PLPPR1: variants seen among roughly 807,000 people sequenced by gnomAD.
The protein encoded by PLPPR1 is phospholipid phosphatase related 1.
Under a neutral mutation model 33.1 loss-of-function variants are expected in PLPPR1, and 10 were observed. The ratio of observed to expected loss-of-function variants is 0.30; its 90% CI spans 0.19 to 0.51. The LOEUF is 0.51. Ranked by LOEUF, PLPPR1 falls within the 20% of genes least tolerant of loss-of-function variation. The probability of loss-of-function intolerance (pLI) is 0.97; values close to 1 mark genes in which losing one functional copy is unlikely to be tolerated. For synonymous variants in PLPPR1, 151 were observed against 151.0 expected, an observed-to-expected ratio of 1.00 and a Z score of 0.00; for missense variants, 304 against 408.1, an observed-to-expected ratio of 0.74 and a Z score of 2.20.
Position 101,299,271 on chromosome 9 carries a change from C to T in PLPPR1, c.386-9940C>T, listed in dbSNP as rs76500534. Among the ~76,000 whole-genome samples the T allele has an allele frequency of 9.6e-3, 1,466 of 152,272 alleles. 17 individuals carry two copies. The highest frequency in any genetic ancestry group is 0.031 in the African/African-American group (1,302 of 41,540). ...AACCCCTGTTTCTGGACCACTTAAG[C>T]AGCCAAGGCACTAGATTAGAGACTA... is the stretch of plus-strand genomic sequence containing the variant. On this transcript the variant is annotated intron_variant, in intron 4 of 7. Coordinates refer to ENST00000374874, the MANE Select transcript of PLPPR1 (RefSeq NM_207299.2).
At chr9:101,065,873 A>G (rs1387948207) in intron 1 of PLPPR1, among the ~76,000 whole-genome samples, 1 of 152,110 alleles carries the variant, frequency 6.6e-6, no homozygotes, top group African/African-American at 2.4e-5. Context: ...TTGCAAGACT[A>G]TTACAGGGAA....
chr9:101,117,674 A>T (rs2118587918), intron 1 of PLPPR1, among the ~76,000 whole-genome samples: 1 of 149,818 alleles, frequency 6.7e-6, no homozygotes, highest in South Asian at 2.1e-4. Flanking sequence ...AAAAAAAAAA[A>T]GTACAGGCTC....
chr9:101,114,209 A>G (rs1831092484), intron 1 of PLPPR1, among the ~76,000 whole-genome samples: 1 of 152,232 alleles, frequency 6.6e-6, no homozygotes, highest in South Asian at 2.1e-4. Context: ...CACTGTTCTA[A>G]CTGCTTTAAT....
intron 1 of PLPPR1, among the ~76,000 whole-genome samples, chr9:101,043,443 G>A (rs529936383): frequency 6.7e-6 from 1 of 150,184 alleles, no homozygotes; most frequent in East Asian, 2.0e-4. Flanking sequence ...ATATGTATAT[G>A]CATACACATA....
chr9:101,250,840 G>A (rs956317594), intron 2 of PLPPR1, among the ~76,000 whole-genome samples: 1 of 152,058 alleles, frequency 6.6e-6, no homozygotes, highest in Non-Finnish European at 1.5e-5. Context: ...TGTGGCAAGA[G>A]ATAGCCATCC....
chr9:101,189,893 G>A (rs1588064990), intron 2 of PLPPR1, among the ~76,000 whole-genome samples: 1 of 147,450 alleles, frequency 6.8e-6, no homozygotes, highest in South Asian at 2.1e-4. Flanking sequence ...GAAAATATTG[G>A]CACTCTGATC....
intron 4 of PLPPR1, among the ~76,000 whole-genome samples, chr9:101,290,072 T>A (rs1459524429): frequency 6.6e-6 from 1 of 152,188 alleles, no homozygotes; most frequent in Non-Finnish European, 1.5e-5. Context: ...AAGGGTAACT[T>A]ACTCTGAGTA....
intron 1 of PLPPR1, among the ~76,000 whole-genome samples, chr9:101,154,637 G>A (rs1042164794): frequency 6.6e-5 from 10 of 151,932 alleles, no homozygotes; most frequent in Non-Finnish European, 1.3e-4. Context: ...ATTATGAATC[G>A]TGCTGCTATA....
chr9:101,113,868 G>C (rs1307966743), intron 1 of PLPPR1, among the ~76,000 whole-genome samples: 2 of 152,114 alleles, frequency 1.3e-5, no homozygotes, highest in African/African-American at 4.8e-5. Flanking sequence ...TTGTGCAGAA[G>C]TCTCTGCCCA....
At chr9:101,036,610 A>G (rs1830013328) in intron 1 of PLPPR1, among the ~76,000 whole-genome samples, 1 of 150,000 alleles carries the variant, frequency 6.7e-6, no homozygotes, top group Non-Finnish European at 1.5e-5. Context: ...GTCTTGGCTT[A>G]TGGCACTGCT....
At chr9:101,267,793 G>T (rs1828023799) in intron 2 of PLPPR1, among the ~76,000 whole-genome samples, 1 of 152,146 alleles carries the variant, frequency 6.6e-6, no homozygotes, top group African/African-American at 2.4e-5. Flanking sequence ...TTTGAATTAA[G>T]AATCTTCCCT....
At chr9:101,315,572 C>T (rs1010451144) in intron 6 of PLPPR1, among the ~76,000 whole-genome samples, 34 of 152,238 alleles carry the variant, frequency 2.2e-4, no homozygotes, top group African/African-American at 8.0e-4. Flanking sequence ...TCAGTAACTA[C>T]TCAGTCTGCT....
chr9:101,142,978 C>A (rs2118635091), intron 1 of PLPPR1, among the ~76,000 whole-genome samples: 1 of 152,126 alleles, frequency 6.6e-6, no homozygotes, highest in Non-Finnish European at 1.5e-5. Context: ...ATTTATTGTG[C>A]AACTAGAGAT....
chr9:101,282,972 A>G (rs564674753), intron 3 of PLPPR1, among the ~76,000 whole-genome samples: 1 of 152,312 alleles, frequency 6.6e-6, no homozygotes, highest in Admixed American at 6.5e-5. Flanking sequence ...GAAGCAATCT[A>G]CAGATTCAAC....
Position 101,269,736 on chromosome 9 carries a change from G to A in PLPPR1, c.64-144G>A, listed in dbSNP as rs1828059189. 1.6e-5 allele frequency: 12 copies of A among 728,550 alleles called. 1 individual carries two copies. The highest frequency in any genetic ancestry group is 6.4e-5 in the South Asian group (4 of 62,476). 45.1% of individuals were successfully genotyped at this position (728,550 alleles called of 1,614,324 possible). ...AGACAAGCAAGCACACACTCCCAGA[G>A]CACGCTGCGCCTGGCACGCACACAC... On this transcript the variant is annotated intron_variant, in intron 2 of 7. Coordinates refer to ENST00000374874, the MANE Select transcript of PLPPR1 (RefSeq NM_207299.2).
At chr9:101,246,099 TATATATATATAG>T (rs1434648398) in intron 2 of PLPPR1, among the ~76,000 whole-genome samples, 16 of 110,172 alleles carry the variant, frequency 1.5e-4, no homozygotes, top group East Asian at 5.3e-4. Context: ...TATATATATA[TATATATATATAG>T]ATAGATAGAT....
chr9:101,255,580 T>C (rs559379652), intron 2 of PLPPR1, among the ~76,000 whole-genome samples: 1 of 152,336 alleles, frequency 6.6e-6, no homozygotes, highest in South Asian at 2.1e-4. Context: ...GCCTTGAAGT[T>C]TGATGTAATT....
chr9:101,127,894 A>G (rs186037443), intron 1 of PLPPR1, among the ~76,000 whole-genome samples: 2 of 152,284 alleles, frequency 1.3e-5, no homozygotes, highest in East Asian at 1.9e-4. Flanking sequence ...AATGAAACAG[A>G]TAGATAGTTA....
At position 101,276,520 on chromosome 9, in the gene PLPPR1, T is replaced by G. The variant is rs560499245; in HGVS notation, c.252+6452T>G. ...ATGTTAAGGAACTTGACAATTTGTT[T>G]CTTGGAGAGAATATTGTTTGCCTAA... On this transcript the variant is annotated intron_variant, in intron 3 of 7. Transcript: ENST00000374874. 3.1e-4 allele frequency among the ~76,000 whole-genome samples: 47 copies of G among 152,358 alleles called. 1 individual carries two copies. The South Asian group carries it at 8.9e-3, about 29-fold the overall frequency.
Sources: allele counts gnomAD v4.1 joint callset (sites outside exome capture counted in the v4.1 genomes callset), GRCh38; gene constraint gnomAD v4.1.1; transcripts MANE v1.5; gene names NCBI Gene and HGNC (gene_info 2026-07-23, HGNC 2026-07-21).